The following GRM7 variants were observed in gnomAD, a reference collection of about 807,000 sequenced individuals.
GRM7 encodes the protein glutamate metabotropic receptor 7.
In GRM7, 35 loss-of-function variants were observed where a neutral mutation model predicts 84.5. That is an observed-to-expected ratio of 0.41 (90% confidence interval 0.32 to 0.55). The LOEUF (loss-of-function observed/expected upper bound fraction) is 0.55. Ranked by LOEUF, GRM7 falls within the 20% of genes least tolerant of loss-of-function variation. GRM7 has a pLI of 0.19. For synonymous variants in GRM7, 487 were observed against 455.1 expected (o/e 1.07, Z -0.89); for missense variants, 1,003 against 1,194.6 (o/e 0.84, Z 2.36).
intron 5 of GRM7, among the ~76,000 whole-genome samples, chr3:7,451,162 G>T (rs1473277033): frequency 6.6e-6 from 1 of 152,136 alleles, no homozygotes; most frequent in East Asian, 1.9e-4. Context: ...CTTCATAGAG[G>T]GACAAGAGGT....
At chr3:7,474,312 C>T (rs542447407) in intron 7 of GRM7, among the ~76,000 whole-genome samples, 13 of 152,068 alleles carry the variant, frequency 8.5e-5, no homozygotes, top group African/African-American at 2.7e-4. Context: ...TTCTCATTAC[C>T]GTAGCTGGAA....
intron 1 of GRM7, among the ~76,000 whole-genome samples, chr3:6,971,642 C>T (rs1052740449): frequency 6.6e-6 from 1 of 152,162 alleles, no homozygotes; most frequent in Admixed American, 6.5e-5. Flanking sequence ...CCCTTTATCA[C>T]GATGAATATC....
At chr3:6,965,780 T>C (rs1258892425) in intron 1 of GRM7, among the ~76,000 whole-genome samples, 4 of 152,282 alleles carry the variant, frequency 2.6e-5, no homozygotes, top group African/African-American at 9.6e-5. Context: ...AAATGACTTT[T>C]CAATGCTCTC....
At chr3:7,484,582 G>A (rs1417455560) in intron 7 of GRM7, among the ~76,000 whole-genome samples, 2 of 152,170 alleles carry the variant, frequency 1.3e-5, no homozygotes, top group East Asian at 1.9e-4. Context: ...CTAGATAGGG[G>A]ATATGGCTTG....
At position 6,934,736 on chromosome 3, in the gene GRM7, T is replaced by C. The variant is rs192888090; in HGVS notation, c.519+72829T>C. Reference sequence around the variant, plus strand: ...GTGGCAGGGCAAGGTGAGATACTTTTCAGTTCAGAAACATATTTAGGATGA... The same window carrying C: ...GTGGCAGGGCAAGGTGAGATACTTTCCAGTTCAGAAACATATTTAGGATGA... On this transcript the variant is annotated intron_variant, in intron 1 of 9. Coordinates refer to ENST00000357716, the MANE Select transcript of GRM7 (RefSeq NM_000844.4). Among the ~76,000 whole-genome samples the C allele has an allele frequency of 1.2e-3, 182 of 152,250 alleles. 1 individual carries two copies. The highest frequency in any genetic ancestry group is 4.2e-3 in the African/African-American group (175 of 41,546).
intron 1 of GRM7, among the ~76,000 whole-genome samples, chr3:6,970,151 C>A (rs1437119089): frequency 6.6e-6 from 1 of 152,330 alleles, no homozygotes; most frequent in Non-Finnish European, 1.5e-5. Flanking sequence ...TGGTTCCCAG[C>A]CAAGAGTGAC....
chr3:7,689,379 A>G (rs1700711440), intron 9 of GRM7, among the ~76,000 whole-genome samples: 1 of 152,176 alleles, frequency 6.6e-6, no homozygotes, highest in Non-Finnish European at 1.5e-5. Context: ...TCTCTGCTGT[A>G]ACTGGAGACC....
At chr3:7,371,449 A>G (rs1238160646) in intron 4 of GRM7, among the ~76,000 whole-genome samples, 2 of 152,198 alleles carry the variant, frequency 1.3e-5, no homozygotes, top group Non-Finnish European at 2.9e-5. Context: ...ATGGTTTACA[A>G]AACTTAGGAT....
intron 2 of GRM7, among the ~76,000 whole-genome samples, chr3:7,252,136 G>A (rs530240079): frequency 2.6e-5 from 4 of 152,206 alleles, no homozygotes; most frequent in Admixed American, 6.5e-5. Flanking sequence ...TTTTGATAGC[G>A]AAAGAGGGAG....
chr3:7,200,759 T>C (rs1696038263), intron 2 of GRM7, among the ~76,000 whole-genome samples: 1 of 152,158 alleles, frequency 6.6e-6, no homozygotes, highest in Non-Finnish European at 1.5e-5. Flanking sequence ...ATTATTATTT[T>C]GTACACCTAA....
At chr3:7,009,439 T>C (rs1340317784) in intron 1 of GRM7, among the ~76,000 whole-genome samples, 1 of 152,206 alleles carries the variant, frequency 6.6e-6, no homozygotes, top group Non-Finnish European at 1.5e-5. Context: ...TGAGACTGAG[T>C]TGCAGTAAGA....
intron 5 of GRM7, among the ~76,000 whole-genome samples, chr3:7,419,134 C>A (rs939916472): frequency 6.6e-6 from 1 of 152,042 alleles, no homozygotes; most frequent in African/African-American, 2.4e-5. Flanking sequence ...CAACTCCAAT[C>A]AGAAAACAAG....
intron 2 of GRM7, among the ~76,000 whole-genome samples, chr3:7,148,818 T>C (rs1694189611): frequency 1.3e-5 from 2 of 152,170 alleles, no homozygotes; most frequent in African/African-American, 4.8e-5. Flanking sequence ...ATGAAATCTT[T>C]CCATCCTAGA....
At chr3:6,979,103 A>G (rs1021249308) in intron 1 of GRM7, among the ~76,000 whole-genome samples, 1 of 152,164 alleles carries the variant, frequency 6.6e-6, no homozygotes, top group Non-Finnish European at 1.5e-5. Context: ...ATCAGTAAGT[A>G]TCGACACTAA....
At chr3:7,093,714 AG>A (rs1281226517) in intron 1 of GRM7, among the ~76,000 whole-genome samples, 777 of 61,026 alleles carry the variant, frequency 0.013, 313 homozygotes, top group African/African-American at 0.03. Flanking sequence ...AAAAAAAAAA[AG>A]GTAGTTAGTG....
chr3:7,656,921 C>T (rs915883409), intron 8 of GRM7, among the ~76,000 whole-genome samples: 3 of 152,096 alleles, frequency 2.0e-5, no homozygotes, highest in Admixed American at 6.5e-5. Context: ...TTCACATTGA[C>T]GATTGCCACT....
At chr3:7,619,068 G>A (rs1213718965) in intron 8 of GRM7, among the ~76,000 whole-genome samples, 1 of 152,090 alleles carries the variant, frequency 6.6e-6, no homozygotes, top group African/African-American at 2.4e-5. Context: ...GACACAGATG[G>A]GACAGGAAAG....
chr3:7,213,024 A>G (rs959212239), intron 2 of GRM7, among the ~76,000 whole-genome samples: 2 of 152,148 alleles, frequency 1.3e-5, no homozygotes, highest in Non-Finnish European at 2.9e-5. Flanking sequence ...AACTATTTGG[A>G]GGCCCTTTCA....
At chr3:7,345,918 G>A (rs1454469799) in intron 4 of GRM7, among the ~76,000 whole-genome samples, 1 of 152,062 alleles carries the variant, frequency 6.6e-6, no homozygotes, top group African/African-American at 2.4e-5. Flanking sequence ...CAGCTTTCAA[G>A]CAGAGTATAA....
Sources: gnomAD v4.1 joint callset for allele counts (sites outside exome capture counted in the v4.1 genomes callset) on GRCh38, gnomAD v4.1.1 for gene constraint, MANE v1.5 for transcripts, NCBI Gene and HGNC (gene_info 2026-07-23, HGNC 2026-07-21) for gene names.